The following LOC128462377 variants were observed in gnomAD, a reference collection of about 807,000 sequenced individuals.
At chr16:89,418,066 C>G in the LOC128462377 span, among the ~76,000 whole-genome samples, 25 of 152,354 alleles carry the variant, frequency 1.6e-4, no homozygotes, top group East Asian at 4.8e-3. Context: ...TTTCTTCTCA[C>G]TGTGACACCA....
chr16:89,324,747 G>T, the LOC128462377 span: 1 of 315,500 alleles, frequency 3.2e-6, no homozygotes, highest in South Asian at 2.5e-5. Context: ...TTTGCCAGGG[G>T]TTCTTGGGCC....
the LOC128462377 span, among the ~76,000 whole-genome samples, chr16:89,384,886 T>G: frequency 8.8e-6 from 1 of 113,988 alleles, no homozygotes; most frequent in African/African-American, 3.5e-5. Flanking sequence ...TTTCTTTTTT[T>G]TTTTTTTTTT....
the LOC128462377 span, among the ~76,000 whole-genome samples, chr16:89,393,885 G>T: frequency 7.6e-4 from 115 of 152,258 alleles, 5 homozygotes; most frequent in East Asian, 6.0e-3. Context: ...AGGAAAATGT[G>T]TCAAAAAACA....
chr16:89,401,672 C>T, the LOC128462377 span, among the ~76,000 whole-genome samples: 5 of 152,092 alleles, frequency 3.3e-5, no homozygotes, highest in Non-Finnish European at 7.4e-5. Context: ...CGATGGCCTT[C>T]CTGGGAAACA....
At chr16:89,366,345 A>G in the LOC128462377 span, among the ~76,000 whole-genome samples, 1 of 152,178 alleles carries the variant, frequency 6.6e-6, no homozygotes, top group Non-Finnish European at 1.5e-5. Context: ...GTATATACCC[A>G]GTAATGAGAC....
the LOC128462377 span, among the ~76,000 whole-genome samples, chr16:89,350,114 T>C: frequency 4.0e-4 from 61 of 152,278 alleles, no homozygotes; most frequent in Middle Eastern, 6.8e-3. Flanking sequence ...ACATCATTTG[T>C]CACTAGGGCA....
the LOC128462377 span, chr16:89,317,115 A>G: frequency 7.2e-7 from 1 of 1,379,698 alleles, no homozygotes; most frequent in Non-Finnish European, 1.0e-6. Flanking sequence ...CTGAATTCAG[A>G]GGCAGCTCAA....
At chr16:89,400,860 C>G in the LOC128462377 span, among the ~76,000 whole-genome samples, 2 of 152,264 alleles carry the variant, frequency 1.3e-5, no homozygotes, top group East Asian at 3.9e-4. Flanking sequence ...CTGCAGCCAC[C>G]TGGACCAGCT....
the LOC128462377 span, among the ~76,000 whole-genome samples, chr16:89,355,304 G>A: frequency 3.9e-5 from 6 of 152,040 alleles, no homozygotes; most frequent in African/African-American, 7.3e-5. Context: ...GAAGGCGGGC[G>A]GACGGCTCAC....
the LOC128462377 span, among the ~76,000 whole-genome samples, chr16:89,369,704 T>A: frequency 6.6e-6 from 1 of 152,200 alleles, no homozygotes; most frequent in Admixed American, 6.5e-5. Flanking sequence ...GGCATCTGCA[T>A]CTGTGATCAA....
the LOC128462377 span, chr16:89,317,071 A>G: frequency 1.3e-6 from 2 of 1,566,504 alleles, no homozygotes; most frequent in South Asian, 2.3e-5. Context: ...TTCATCATCA[A>G]CCGTCTGCTT....
the LOC128462377 span, among the ~76,000 whole-genome samples, chr16:89,399,316 C>T: frequency 6.6e-6 from 1 of 152,234 alleles, no homozygotes; most frequent in Non-Finnish European, 1.5e-5. Context: ...ATTAAACACC[C>T]GGCGTCCATC....
the LOC128462377 span, among the ~76,000 whole-genome samples, chr16:89,386,378 G>A: frequency 1.3e-5 from 2 of 152,146 alleles, no homozygotes; most frequent in East Asian, 3.9e-4. Flanking sequence ...TCCAGGGACC[G>A]TCCACACTGC....
the LOC128462377 span, among the ~76,000 whole-genome samples, chr16:89,399,697 T>A: frequency 6.6e-6 from 1 of 152,200 alleles, no homozygotes; most frequent in Non-Finnish European, 1.5e-5. Context: ...GTCGCGACTA[T>A]AACAAATGGC....
the LOC128462377 span, among the ~76,000 whole-genome samples, chr16:89,371,874 T>A: frequency 8.5e-5 from 13 of 152,202 alleles, no homozygotes; most frequent in African/African-American, 3.1e-4. Flanking sequence ...GAGGTAGACC[T>A]GGTGACCGTG....
chr16:89,413,959 A>G, the LOC128462377 span, among the ~76,000 whole-genome samples: 5 of 152,138 alleles, frequency 3.3e-5, no homozygotes, highest in African/African-American at 1.2e-4. Context: ...GGACCCCAGC[A>G]CAGCAACAGC....
chr16:89,359,394 G>A, the LOC128462377 span, among the ~76,000 whole-genome samples: 1 of 152,196 alleles, frequency 6.6e-6, no homozygotes, highest in Non-Finnish European at 1.5e-5. Context: ...AGCTCCTGGA[G>A]CCAGCCCCAG....
chr16:89,349,791 T>C, the LOC128462377 span, among the ~76,000 whole-genome samples: 3 of 150,556 alleles, frequency 2.0e-5, no homozygotes, highest in Non-Finnish European at 4.4e-5. Flanking sequence ...TTGGACTTCA[T>C]CAAACTAAAA....
chr16:89,396,944 C>T, the LOC128462377 span, among the ~76,000 whole-genome samples: 61 of 113,610 alleles, frequency 5.4e-4, no homozygotes, highest in African/African-American at 1.7e-3. Flanking sequence ...GCCTCGGTTT[C>T]CCAGAGCACT....
Sources: gnomAD v4.1 joint callset for allele counts (sites outside exome capture counted in the v4.1 genomes callset) on GRCh38, gnomAD v4.1.1 for gene constraint, MANE v1.5 for transcripts.